EFCAB7: variants seen among roughly 807,000 people sequenced by gnomAD.
EFCAB7 encodes the protein EF-hand calcium binding domain 7, also known as EF-hand calcium-binding domain-containing protein 7.
EFCAB7 carries 66 observed loss-of-function variants against 77.1 expected under a neutral mutation model. The ratio of observed to expected loss-of-function variants is 0.86; its 90% CI spans 0.70 to 1.05. The LOEUF is 1.05. Among genes scored for constraint, EFCAB7 ranks in the 50% least tolerant of loss-of-function variants. The pLI is 0.00. For synonymous variants in EFCAB7, 225 were observed against 243.3 expected (o/e 0.92, Z 0.70); for missense variants, 638 against 730.5 (o/e 0.87, Z 1.46).
At chr1:63,536,114 G>T (rs969481383) in intron 6 of EFCAB7, among the ~76,000 whole-genome samples, 1 of 152,048 alleles carries the variant, frequency 6.6e-6, no homozygotes, top group Non-Finnish European at 1.5e-5. Flanking sequence ...TAGGTAAAAG[G>T]TACTAAGATA....
chr1:63,545,627 C>T (rs539119226), intron 6 of EFCAB7, among the ~76,000 whole-genome samples: 18 of 152,104 alleles, frequency 1.2e-4, no homozygotes, highest in African/African-American at 4.1e-4. Context: ...CCACCACGCC[C>T]GGCTAATTTT....
chr1:63,525,646 A>T lies in EFCAB7; in HGVS notation c.74A>T (p.Lys25Met). The change falls in exon 2 of 14, where the codon AAG (lysine) becomes ATG (methionine). Residue 25 changes from lysine to methionine, a missense_variant. Physicochemically the swap from Lys to Met is moderately conservative, Grantham distance 95. Transcript: ENST00000371088. ...ACACCTTCAGAGAGTCCTCGAACAA[A>T]GAAATTTCCACTAACTGAAGAGGAA... is the stretch of plus-strand genomic sequence containing the variant. Reference protein sequence around the residue: ...KSTPSESPRTKKFPLTEEEIF... With the variant: ...KSTPSESPRTMKFPLTEEEIF... 6.2e-7 allele frequency: 1 copy of T among 1,604,132 alleles called. No individual in the cohort carries two copies. Among genetic ancestry groups the T allele is most frequent in the Non-Finnish European group, 8.5e-7 (1 of 1,177,948 alleles).
intron 2 of EFCAB7, 152 bp from the exon 3 acceptor site, chr1:63,531,668 G>C (rs1418469795): frequency 4.4e-6 from 3 of 677,206 alleles, no homozygotes; most frequent in Admixed American, 3.5e-5. Context: ...GCCTATCTTG[G>C]TATCACTAGA....
Position 63,531,833 on chromosome 1 carries a change from A to G in EFCAB7, c.201A>G (p.Ala67=), listed in dbSNP as rs1250717636. ...KDQLYLALQH[A]GRNPSQKTIN... is the part of the protein sequence containing the mutation. The stretch of plus-strand genomic sequence containing the variant: ...CTTGTTGGGCAGCTCTTCAGCATGC[A>G]GGAAGAAATCCATCCCAAAAGACCA... Residue 67 remains alanine, a synonymous_variant, in exon 3 of 14, where the codon GCA becomes GCG. Coordinates refer to ENST00000371088, the MANE Select transcript of EFCAB7 (RefSeq NM_032437.4). 2 of 1,611,724 alleles carry G rather than the reference A, an allele frequency of 1.2e-6. No homozygotes were observed. The highest frequency in any genetic ancestry group is 1.7e-5 in the Admixed American group (1 of 59,658).
At chr1:63,561,974 A>G in intron 11 of EFCAB7, 117 bp downstream of exon 11, 1 of 611,126 alleles carries the variant, frequency 1.6e-6, no homozygotes, top group Non-Finnish European at 2.4e-6. Context: ...ACTTTAGTAT[A>G]TGAATGAATC....
At chr1:63,560,043 C>G (rs1445799866) in intron 10 of EFCAB7, among the ~76,000 whole-genome samples, 2 of 152,032 alleles carry the variant, frequency 1.3e-5, no homozygotes, top group African/African-American at 2.4e-5. Flanking sequence ...GCAAGCTTCA[C>G]CTCCCGGGTT....
At chr1:63,558,931 C>T (rs1647061070) in intron 10 of EFCAB7, among the ~76,000 whole-genome samples, 1 of 151,412 alleles carries the variant, frequency 6.6e-6, no homozygotes, top group African/African-American at 2.4e-5. Context: ...GCCTATAATC[C>T]TAGCACTCTG....
chr1:63,560,761 A>G (rs935077272), intron 10 of EFCAB7, among the ~76,000 whole-genome samples: 3 of 152,124 alleles, frequency 2.0e-5, no homozygotes, highest in African/African-American at 4.8e-5. Context: ...AGCTCAGGCT[A>G]TCCACCTGCC....
chr1:63,560,670 C>T (rs1647087892), intron 10 of EFCAB7, among the ~76,000 whole-genome samples: 1 of 152,032 alleles, frequency 6.6e-6, no homozygotes, highest in South Asian at 2.1e-4. Flanking sequence ...TGCATGCCAG[C>T]ATGCCGGGCT....
Position 63,568,383 on chromosome 1 carries a change from G to A in EFCAB7, c.1571G>A (p.Cys524Tyr), listed in dbSNP as rs770662554. 2.5e-6 allele frequency: 4 copies of A among 1,588,942 alleles called. No individual in the cohort carries two copies. Among genetic ancestry groups the A allele is most frequent in the Non-Finnish European group, 1.7e-6 (2 of 1,171,090 alleles). Residue 524 changes from cysteine to tyrosine, a missense_variant, in exon 12 of 14, where the codon TGT becomes TAT. Physicochemically the swap from Cys to Tyr is radical, Grantham distance 194. Transcript: ENST00000371088. ...PKIKAVHMEA[C>Y]SGQLEKAICK... ...ATTAAAGCTGTCCATATGGAGGCATGTAGTGGACAACTTGAGAAGGCCATT... is the reference window on the plus strand; with the variant it reads ...ATTAAAGCTGTCCATATGGAGGCATATAGTGGACAACTTGAGAAGGCCATT...
intron 12 of EFCAB7, chr1:63,570,374 C>G (rs1342760762): frequency 6.6e-6 from 1 of 152,152 alleles, no homozygotes; most frequent in Non-Finnish European, 1.5e-5. Flanking sequence ...TCACTTCTTC[C>G]ATAAAGTCTT....
chr1:63,557,240 C>A lies in EFCAB7; in HGVS notation c.1341C>A (p.Val447=). ...GEKCDEDAWA[V]CRENFDTKRN... ...AATGTGATGAAGATGCTTGGGCTGT[C>A]TGCAGAGGTAAGCACTTTTCTTTTC... is the stretch of plus-strand genomic sequence containing the variant. Residue 447 remains valine, a synonymous_variant, in exon 10 of 14, where the codon GTC becomes GTA. Coordinates refer to ENST00000371088, the MANE Select transcript of EFCAB7 (RefSeq NM_032437.4). The A allele has an allele frequency of 6.2e-7, 1 of 1,603,484 alleles. No homozygotes were observed. Among genetic ancestry groups the A allele is most frequent in the Admixed American group, 1.8e-5 (1 of 56,660 alleles).
chr1:63,530,552 T>C (rs1239538252), intron 2 of EFCAB7, among the ~76,000 whole-genome samples: 1 of 152,240 alleles, frequency 6.6e-6, no homozygotes, highest in Non-Finnish European at 1.5e-5. Context: ...TAGAGTGATA[T>C]GACATACATA....
intron 6 of EFCAB7, among the ~76,000 whole-genome samples, chr1:63,542,792 T>C (rs1048798070): frequency 6.6e-6 from 1 of 152,192 alleles, no homozygotes; most frequent in African/African-American, 2.4e-5. Context: ...CCTTTGCCCA[T>C]TTAAAAAATC....
intron 2 of EFCAB7, chr1:63,529,900 A>G (rs1466740028): frequency 6.6e-6 from 1 of 151,894 alleles, no homozygotes; most frequent in Non-Finnish European, 1.5e-5. Flanking sequence ...AGGCCCGGCT[A>G]ATTTTTGTAT....
At chr1:63,544,280 C>G (rs904971046) in intron 6 of EFCAB7, among the ~76,000 whole-genome samples, 3 of 151,948 alleles carry the variant, frequency 2.0e-5, no homozygotes, top group African/African-American at 4.8e-5. Flanking sequence ...AAGTTTTACT[C>G]ATTTCTAGTT....
intron 10 of EFCAB7, among the ~76,000 whole-genome samples, chr1:63,560,242 G>A (rs976860023): frequency 2.0e-5 from 3 of 152,066 alleles, no homozygotes; most frequent in Non-Finnish European, 2.9e-5. Flanking sequence ...GTGAGCCACT[G>A]CGCCTGGCCC....
intron 7 of EFCAB7, 139 bp from the exon 8 acceptor site, chr1:63,551,586 G>T: frequency 5.5e-6 from 2 of 360,832 alleles, no homozygotes; most frequent in Non-Finnish European, 9.2e-6. Flanking sequence ...GTGAGACTCC[G>T]TCTTGAAAAA....
At chr1:63,571,889 C>CT in intron 13 of EFCAB7, among the ~76,000 whole-genome samples, 1 of 152,112 alleles carries the variant, frequency 6.6e-6, no homozygotes, top group African/African-American at 2.4e-5. Context: ...GACAATGCCT[C>CT]TGAGTTTTAA....
Sources: gnomAD v4.1 joint callset for allele counts (sites outside exome capture counted in the v4.1 genomes callset) on GRCh38, gnomAD v4.1.1 for gene constraint, MANE v1.5 for transcripts, NCBI Gene and HGNC (gene_info 2026-07-23, HGNC 2026-07-21) for gene names.